The following UBE2H variants were observed in gnomAD, a reference collection of about 807,000 sequenced individuals.
UBE2H encodes ubiquitin-conjugating enzyme E2 H.
UBE2H carries 3 observed loss-of-function variants against 29.0 expected under a neutral mutation model. The observed-to-expected ratio is 0.10, with a 90% confidence interval of 0.05 to 0.27. The LOEUF (loss-of-function observed/expected upper bound fraction) is 0.27. Ranked by LOEUF, UBE2H falls within the 10% of genes least tolerant of loss-of-function variation. UBE2H has a pLI of 1.00. For synonymous variants in UBE2H, 69 were observed against 82.9 expected, an observed-to-expected ratio of 0.83 and a Z score of 0.91; for missense variants, 68 against 228.2, an observed-to-expected ratio of 0.30 and a Z score of 4.52.
chr7:129,881,596 C>T (rs1436644830), intron 1 of UBE2H, among the ~76,000 whole-genome samples: 2 of 151,288 alleles, frequency 1.3e-5, no homozygotes, highest in East Asian at 1.9e-4. Flanking sequence ...TGCAGTGAGC[C>T]GAGATCACAT....
chr7:129,895,796 G>A (rs1273643298), intron 1 of UBE2H, among the ~76,000 whole-genome samples: 1 of 152,084 alleles, frequency 6.6e-6, no homozygotes, highest in African/African-American at 2.4e-5. Context: ...GGCTGAGGCA[G>A]GAGAATGGCG....
chr7:129,910,774 C>T (rs1049969919), intron 1 of UBE2H, among the ~76,000 whole-genome samples: 2 of 152,008 alleles, frequency 1.3e-5, no homozygotes, highest in African/African-American at 2.4e-5. Flanking sequence ...CCCAGCTACT[C>T]GGAAGGCTGA....
intron 1 of UBE2H, among the ~76,000 whole-genome samples, chr7:129,904,456 T>C (rs1806776918): frequency 6.6e-6 from 1 of 152,162 alleles, no homozygotes; most frequent in Non-Finnish European, 1.5e-5. Flanking sequence ...CTTAGAGACC[T>C]TTCCGATCAC....
chr7:129,921,878 C>A (rs1262182731), intron 1 of UBE2H, among the ~76,000 whole-genome samples: 1 of 152,118 alleles, frequency 6.6e-6, no homozygotes, highest in South Asian at 2.1e-4. Flanking sequence ...AAACATCTCA[C>A]CATTTCAATA....
At chr7:129,835,141 C>T in intron 6 of UBE2H, 80 bp from the exon 7 acceptor site, 1 of 1,597,598 alleles carries the variant, frequency 6.3e-7, no homozygotes, top group Non-Finnish European at 8.5e-7. Flanking sequence ...GCTGGCAAGG[C>T]TGCGGAGGTT....
At chr7:129,843,774 G>A (rs1206036933) in intron 5 of UBE2H, among the ~76,000 whole-genome samples, 4 of 152,064 alleles carry the variant, frequency 2.6e-5, no homozygotes, top group African/African-American at 9.7e-5. Flanking sequence ...GCAGACACCT[G>A]CACACAGCGA....
intron 1 of UBE2H, among the ~76,000 whole-genome samples, chr7:129,891,451 G>A (rs1223928062): frequency 1.3e-5 from 2 of 152,098 alleles, no homozygotes; most frequent in South Asian, 2.1e-4. Flanking sequence ...ATGAAATACT[G>A]TATATCCAAA....
chr7:129,912,053 T>A (rs918140168), intron 1 of UBE2H, among the ~76,000 whole-genome samples: 14 of 152,100 alleles, frequency 9.2e-5, no homozygotes, highest in African/African-American at 3.1e-4. Context: ...AGGACCAAGG[T>A]AGGCCTTTAT....
chr7:129,897,744 C>A (rs1806627560), intron 1 of UBE2H, among the ~76,000 whole-genome samples: 1 of 152,038 alleles, frequency 6.6e-6, no homozygotes, highest in South Asian at 2.1e-4. Flanking sequence ...TTATGAGAGG[C>A]AGTACCCATT....
chr7:129,874,780 T>TGAGA (rs1241998516), intron 3 of UBE2H, among the ~76,000 whole-genome samples: 2 of 150,848 alleles, frequency 1.3e-5, no homozygotes, highest in African/African-American at 4.9e-5. Flanking sequence ...AAGAAAAAGG[T>TGAGA]GAGAAGTACT....
At chr7:129,849,550 C>T (rs1805571617) in intron 5 of UBE2H, among the ~76,000 whole-genome samples, 1 of 151,974 alleles carries the variant, frequency 6.6e-6, no homozygotes, top group South Asian at 2.1e-4. Flanking sequence ...TGCACTCCAG[C>T]CTGAGTGACA....
At chr7:129,849,325 C>T (rs1805567443) in intron 5 of UBE2H, among the ~76,000 whole-genome samples, 1 of 152,224 alleles carries the variant, frequency 6.6e-6, no homozygotes, top group Admixed American at 6.5e-5. Flanking sequence ...CGCCTGTAAT[C>T]CCAGCACTTT....
intron 1 of UBE2H, among the ~76,000 whole-genome samples, chr7:129,906,809 T>C (rs1243642054): frequency 6.6e-6 from 1 of 152,118 alleles, no homozygotes; most frequent in East Asian, 1.9e-4. Flanking sequence ...ATAAAGCTGG[T>C]TGAGAGAAAC....
intron 1 of UBE2H, among the ~76,000 whole-genome samples, chr7:129,930,714 C>T (rs1400313934): frequency 1.3e-5 from 2 of 148,178 alleles, no homozygotes; most frequent in Admixed American, 6.7e-5. Context: ...CGAGACCATC[C>T]TGGCTAACAC....
intron 3 of UBE2H, among the ~76,000 whole-genome samples, chr7:129,859,435 T>A (rs1412455972): frequency 6.6e-6 from 1 of 152,192 alleles, no homozygotes; most frequent in African/African-American, 2.4e-5. Context: ...GGAATACCAC[T>A]TCAAACCACA....
intron 1 of UBE2H, among the ~76,000 whole-genome samples, chr7:129,913,587 A>C (rs1226217708): frequency 6.6e-6 from 1 of 151,136 alleles, no homozygotes; most frequent in Non-Finnish European, 1.5e-5. Flanking sequence ...CGAGCCCCTC[A>C]ATAACTCATG....
At chr7:129,947,307 T>C (rs966878441) in intron 1 of UBE2H, among the ~76,000 whole-genome samples, 2 of 152,076 alleles carry the variant, frequency 1.3e-5, no homozygotes, top group African/African-American at 2.4e-5. Flanking sequence ...ACACTGAGAG[T>C]TGCCAAATCT....
At chr7:129,841,346 C>T (rs993444296) in intron 5 of UBE2H, among the ~76,000 whole-genome samples, 3 of 152,158 alleles carry the variant, frequency 2.0e-5, no homozygotes, top group Admixed American at 2.0e-4. Flanking sequence ...TAAGAGGTGG[C>T]TCTTATCACT....
At chr7:129,948,870 C>A in intron 1 of UBE2H, 1 of 314,382 alleles carries the variant, frequency 3.2e-6, no homozygotes, top group Non-Finnish European at 6.5e-6. Context: ...TTTTACCCCT[C>A]GAAAACACAC....
Sources: allele counts gnomAD v4.1 joint callset (sites outside exome capture counted in the v4.1 genomes callset), GRCh38; gene constraint gnomAD v4.1.1; transcripts MANE v1.5; gene names NCBI Gene and HGNC (gene_info 2026-07-23, HGNC 2026-07-21).